The following MMP20 variants were observed in gnomAD, a reference collection of about 807,000 sequenced individuals.
The protein encoded by MMP20 is matrix metallopeptidase 20, also known as matrix metalloproteinase-20.
MMP20 carries 50 observed loss-of-function variants against 51.8 expected under a neutral mutation model. The ratio of observed to expected loss-of-function variants is 0.97; its 90% confidence interval spans 0.77 to 1.22. The LOEUF is 1.22. Among genes scored for constraint, MMP20 ranks in the 50% most tolerant of loss-of-function variants. MMP20 has a pLI of 0.00. For synonymous variants in MMP20, 244 were observed against 216.2 expected (o/e 1.13, Z -1.13); for missense variants, 663 against 601.4 (o/e 1.10, Z -1.07).
intron 8 of MMP20, among the ~76,000 whole-genome samples, chr11:102,591,449 T>TAACACA (rs1419504531): frequency 2.6e-5 from 4 of 152,216 alleles, no homozygotes; most frequent in Non-Finnish European, 5.9e-5. Context: ...GTTAAGAAAT[T>TAACACA]ATTTGTTAGT....
At chr11:102,578,691 G>A (rs1231094900) in intron 9 of MMP20, among the ~76,000 whole-genome samples, 12 of 151,870 alleles carry the variant, frequency 7.9e-5, no homozygotes, top group Non-Finnish European at 1.5e-4. Flanking sequence ...AGCAGAGATC[G>A]CGCCACTGCA....
chr11:102,615,804 T>A (rs1034710691), intron 2 of MMP20, among the ~76,000 whole-genome samples: 3 of 152,124 alleles, frequency 2.0e-5, no homozygotes, highest in African/African-American at 7.2e-5. Context: ...ACTCCTTACA[T>A]GTGCAAGGCC....
intron 7 of MMP20, among the ~76,000 whole-genome samples, 195 bp downstream of exon 7, chr11:102,594,426 C>T (rs1859354675): frequency 6.6e-6 from 1 of 152,210 alleles, no homozygotes; most frequent in Non-Finnish European, 1.5e-5. Context: ...TTCTCAGGGC[C>T]ACTGCCATCA....
At chr11:102,588,273 C>G (rs1179963200) in intron 8 of MMP20, among the ~76,000 whole-genome samples, 2 of 151,854 alleles carry the variant, frequency 1.3e-5, no homozygotes, top group East Asian at 3.8e-4. Context: ...TATTGTTATA[C>G]CTATTGTATC....
intron 5 of MMP20, chr11:102,607,482 G>A (rs1250842945): frequency 2.6e-5 from 4 of 152,710 alleles, no homozygotes; most frequent in Non-Finnish European, 1.5e-5. Flanking sequence ...TGAGGCACAG[G>A]GAAGGGAAAG....
chr11:102,584,502 C>G (rs754798004), intron 8 of MMP20, among the ~76,000 whole-genome samples: 4 of 152,178 alleles, frequency 2.6e-5, no homozygotes, highest in Middle Eastern at 6.8e-3. Flanking sequence ...ATTGAATAGT[C>G]GTTTATATAT....
intron 1 of MMP20, among the ~76,000 whole-genome samples, chr11:102,621,000 C>A (rs1317943648): frequency 6.6e-6 from 1 of 152,222 alleles, no homozygotes; most frequent in Non-Finnish European, 1.5e-5. Context: ...GAGCCGGCTG[C>A]TCCCACACAC....
At chr11:102,590,152 C>T (rs1435598608) in intron 8 of MMP20, among the ~76,000 whole-genome samples, 1 of 152,128 alleles carries the variant, frequency 6.6e-6, no homozygotes, top group Non-Finnish European at 1.5e-5. Flanking sequence ...GATGTAGCCA[C>T]TGCTCTGCTA....
intron 5 of MMP20, chr11:102,607,921 T>G (rs942421137): frequency 3.3e-5 from 5 of 152,068 alleles, no homozygotes; most frequent in African/African-American, 1.2e-4. Flanking sequence ...TTCCTGTCCC[T>G]CAAGGGTCAG....
intron 9 of MMP20, among the ~76,000 whole-genome samples, chr11:102,578,807 A>ACAAG (rs1491141032): frequency 6.6e-6 from 1 of 151,986 alleles, no homozygotes; most frequent in Non-Finnish European, 1.5e-5. Context: ...ACAAAAACAA[A>ACAAG]CAAACAAACA....
chr11:102,588,952 G>T (rs552880832), intron 8 of MMP20, among the ~76,000 whole-genome samples: 1 of 151,790 alleles, frequency 6.6e-6, no homozygotes, highest in African/African-American at 2.4e-5. Flanking sequence ...TTCAAGTCTC[G>T]TTTCCCTCTA....
intron 2 of MMP20, among the ~76,000 whole-genome samples, chr11:102,614,525 C>T (rs1317450095): frequency 2.0e-5 from 3 of 152,208 alleles, no homozygotes; most frequent in Non-Finnish European, 4.4e-5. Context: ...ACACAGTTTA[C>T]TTTAAGAAAA....
At chr11:102,597,457 G>T (rs141512353) in intron 6 of MMP20, among the ~76,000 whole-genome samples, 2 of 152,346 alleles carry the variant, frequency 1.3e-5, no homozygotes, top group Non-Finnish European at 2.9e-5. Flanking sequence ...AATTGAAGTA[G>T]TCATTGTAAA....
At chr11:102,620,002 G>C (rs1401903364) in intron 1 of MMP20, among the ~76,000 whole-genome samples, 1 of 152,080 alleles carries the variant, frequency 6.6e-6, no homozygotes, top group African/African-American at 2.4e-5. Context: ...CTCCCTAGTT[G>C]GTGCTTCCAT....
intron 8 of MMP20, among the ~76,000 whole-genome samples, chr11:102,582,250 G>A (rs1859205369): frequency 6.6e-6 from 1 of 152,120 alleles, no homozygotes; most frequent in Non-Finnish European, 1.5e-5. Flanking sequence ...TTTTGATTGT[G>A]CTGATTTCAG....
At position 102,593,519 on chromosome 11, in the gene MMP20, C is replaced by G; in HGVS notation, c.1167G>C (p.Arg389Ser). The change falls in exon 8 of 10, where the codon AGG becomes AGC. Residue 389 changes from arginine (R) to serine (S), a missense_variant. Physicochemically the swap from Arg to Ser is moderately radical, Grantham distance 110. Transcript: ENST00000260228. Reference sequence around the variant, plus strand: ...CAGCAGCATCTATTTGCTGCACGTGCCTTGGAAATCCAAAGTCATAAATAG... The same window carrying G: ...CAGCAGCATCTATTTGCTGCACGTGGCTTGGAAATCCAAAGTCATAAATAG... ...PRTIYDFGFP[R>S]HVQQIDAAVY... is the part of the protein sequence containing the mutation. 6.2e-7 allele frequency: 1 copy of G among 1,614,164 alleles called. No homozygotes were observed. The highest frequency in any genetic ancestry group is 8.5e-7 in the Non-Finnish European group (1 of 1,179,996).
intron 2 of MMP20, among the ~76,000 whole-genome samples, chr11:102,615,476 C>T (rs996984236): frequency 1.3e-5 from 2 of 152,142 alleles, no homozygotes; most frequent in African/African-American, 4.8e-5. Context: ...CTCTACCATA[C>T]CACTGCTTAG....
intron 6 of MMP20, among the ~76,000 whole-genome samples, chr11:102,605,890 T>C (rs945617315): frequency 6.6e-6 from 1 of 152,064 alleles, no homozygotes; most frequent in Non-Finnish European, 1.5e-5. Context: ...ACAGCCTTAC[T>C]CCCCAAGAAA....
At position 102,616,883 on chromosome 11, in the gene MMP20, T is replaced by A. The variant is rs765736836; in HGVS notation, c.303A>T (p.Gly101=). 1 of 1,614,210 alleles carries A rather than the reference T, an allele frequency of 6.2e-7. No homozygotes were observed. Among genetic ancestry groups the A allele is most frequent in the South Asian group, 1.1e-5 (1 of 91,084 alleles). Residue 101 remains glycine (G), a synonymous_variant, in exon 2 of 10, where the codon GGA becomes GGT. Transcript: ENST00000260228. The part of the protein sequence containing the change: ...TMNVIKKPRC[G]VPDVANYRLF... ...GGCGATAATTGGCCACATCAGGAAC[T>A]CCACAGCGAGGCTTCTTGATCACGT...
Sources: allele counts gnomAD v4.1 joint callset (sites outside exome capture counted in the v4.1 genomes callset), GRCh38; gene constraint gnomAD v4.1.1; transcripts MANE v1.5; gene names NCBI Gene and HGNC (gene_info 2026-07-23, HGNC 2026-07-21).